The following CCDC148 variants were observed in gnomAD, a reference collection of about 807,000 sequenced individuals.
The protein encoded by CCDC148 is coiled-coil domain containing 148.
CCDC148 carries 89 observed loss-of-function variants against 85.7 expected under a neutral mutation model. The observed-to-expected ratio is 1.04, with a 90% CI of 0.87 to 1.24. The LOEUF (loss-of-function observed/expected upper bound fraction) is 1.24, where lower values mean the gene tolerates loss of function less well. Ranked by LOEUF, CCDC148 falls within the 50% of genes most tolerant of loss-of-function variation. CCDC148 has a pLI of 0.00. For missense variants in CCDC148, 692 were observed against 671.7 expected (o/e 1.03, Z -0.33); for synonymous variants, 230 against 213.9 (o/e 1.08, Z -0.66).
chr2:158,317,597 G>T (rs1692339815), intron 7 of CCDC148, among the ~76,000 whole-genome samples: 4 of 152,102 alleles, frequency 2.6e-5, no homozygotes, highest in African/African-American at 9.7e-5. Context: ...ATCCTAAAGT[G>T]ACTCACAATT....
At chr2:158,365,387 A>T (rs10179308) in intron 1 of CCDC148, among the ~76,000 whole-genome samples, 1 of 151,970 alleles carries the variant, frequency 6.6e-6, no homozygotes, top group African/African-American at 2.4e-5. Context: ...TTCACAATAG[A>T]AAAGACTTGG....
At chr2:158,431,248 G>T (rs531486867) in intron 1 of CCDC148, among the ~76,000 whole-genome samples, 1 of 151,014 alleles carries the variant, frequency 6.6e-6, no homozygotes, top group African/African-American at 2.4e-5. Flanking sequence ...CACAAACCAG[G>T]AATTACAAGC....
intron 1 of CCDC148, among the ~76,000 whole-genome samples, chr2:158,361,503 C>G (rs558506000): frequency 1.3e-4 from 20 of 152,126 alleles, no homozygotes; most frequent in Admixed American, 4.6e-4. Flanking sequence ...AGCCAGAATA[C>G]AGTGGGGGCC....
At chr2:158,221,266 A>C (rs1469928557) in intron 10 of CCDC148, among the ~76,000 whole-genome samples, 2 of 152,222 alleles carry the variant, frequency 1.3e-5, no homozygotes, top group African/African-American at 4.8e-5. Flanking sequence ...GTTCTGACTT[A>C]TGTGGTAAAA....
rs1266682969 is a variant in CCDC148 at position 158,345,330 on chromosome 2, G to T, written c.148-12C>A. 6.3e-7 allele frequency: 1 copy of T among 1,588,012 alleles called. No homozygotes were observed. The highest frequency in any genetic ancestry group is 8.6e-7 in the Non-Finnish European group (1 of 1,161,674). On this transcript the variant is annotated splice_polypyrimidine_tract_variant and intron_variant, in intron 2 of 13. Coordinates refer to ENST00000283233, the MANE Select transcript of CCDC148 (RefSeq NM_138803.4). The stretch of plus-strand genomic sequence containing the variant: ...ATTGCTTTTCTGATCTAGATTTAGA[G>T]GAACAAAAGAGGAGCAACTTCAAAG...
intron 9 of CCDC148, among the ~76,000 whole-genome samples, chr2:158,283,032 G>C (rs1690413274): frequency 6.6e-6 from 1 of 152,178 alleles, no homozygotes; most frequent in South Asian, 2.1e-4. Context: ...ATGGGGAAAG[G>C]ATTCCCTATT....
intron 1 of CCDC148, among the ~76,000 whole-genome samples, chr2:158,417,935 T>C (rs906980918): frequency 6.6e-6 from 1 of 152,224 alleles, no homozygotes. Flanking sequence ...ATTCTGCTCT[T>C]ATAAAACTTT....
At chr2:158,444,785 G>GAAAAAAAAAA (rs11433320) in intron 1 of CCDC148, among the ~76,000 whole-genome samples, 1 of 66,660 alleles carries the variant, frequency 1.5e-5, no homozygotes, top group Non-Finnish European at 2.5e-5. Context: ...ACCCTGTCTT[G>GAAAAAAAAAA]AAAAAAAAAA....
At chr2:158,249,750 T>C (rs1297939299) in intron 10 of CCDC148, among the ~76,000 whole-genome samples, 7 of 152,114 alleles carry the variant, frequency 4.6e-5, no homozygotes, top group Non-Finnish European at 8.8e-5. Flanking sequence ...CCTCTACATA[T>C]TCAACTTGGA....
At chr2:158,223,771 A>G (rs935026029) in intron 10 of CCDC148, among the ~76,000 whole-genome samples, 3 of 152,334 alleles carry the variant, frequency 2.0e-5, no homozygotes, top group Middle Eastern at 6.8e-3. Flanking sequence ...TGACTGTTAG[A>G]AGGAAAACTA....
intron 1 of CCDC148, chr2:158,365,939 T>C (rs921012208): frequency 1.8e-5 from 20 of 1,086,944 alleles, no homozygotes; most frequent in Non-Finnish European, 2.0e-5. Flanking sequence ...AAAATCAACA[T>C]TCCAATTGTG....
intron 2 of CCDC148, among the ~76,000 whole-genome samples, chr2:158,351,769 G>A (rs1165169055): frequency 6.6e-6 from 1 of 152,056 alleles, no homozygotes; most frequent in Non-Finnish European, 1.5e-5. Flanking sequence ...CACCTCTGGG[G>A]GCAGAGCACA....
intron 10 of CCDC148, among the ~76,000 whole-genome samples, chr2:158,230,129 C>G (rs1210657937): frequency 6.6e-6 from 1 of 152,122 alleles, no homozygotes; most frequent in Admixed American, 6.6e-5. Context: ...GGGACTTTGA[C>G]ATTCATTTGT....
intron 11 of CCDC148, among the ~76,000 whole-genome samples, 169 bp downstream of exon 11, chr2:158,220,426 G>A (rs1574427612): frequency 6.6e-6 from 1 of 152,166 alleles, no homozygotes; most frequent in African/African-American, 2.4e-5. Flanking sequence ...GTATGACTAT[G>A]AGAATTTAAA....
chr2:158,229,983 C>T (rs992279823), intron 10 of CCDC148, among the ~76,000 whole-genome samples: 8 of 152,198 alleles, frequency 5.3e-5, no homozygotes, highest in Admixed American at 5.2e-4. Flanking sequence ...CTGTACTCCA[C>T]TCCGAAGTCA....
intron 10 of CCDC148, among the ~76,000 whole-genome samples, chr2:158,243,297 T>C (rs773266776): frequency 1.7e-4 from 26 of 152,134 alleles, no homozygotes; most frequent in Non-Finnish European, 3.4e-4. Context: ...TGAATGGTAG[T>C]AGGCACTTGC....
chr2:158,368,533 C>T (rs1455202668), intron 1 of CCDC148, among the ~76,000 whole-genome samples: 1 of 152,002 alleles, frequency 6.6e-6, no homozygotes, highest in East Asian at 1.9e-4. Context: ...ATAAATTATT[C>T]CATATTCACA....
chr2:158,363,103 T>C (rs560217118), intron 1 of CCDC148, among the ~76,000 whole-genome samples: 1 of 152,190 alleles, frequency 6.6e-6, no homozygotes, highest in South Asian at 2.1e-4. Flanking sequence ...TACACCCTCC[T>C]AAGTCTAAAC....
intron 12 of CCDC148, 158 bp from the exon 13 acceptor site, chr2:158,176,819 G>T: frequency 2.8e-6 from 2 of 716,496 alleles, no homozygotes; most frequent in Non-Finnish European, 2.2e-6. Context: ...CAGTCCTAGA[G>T]ATCCACAAAG....
Sources: gnomAD v4.1 joint callset for allele counts (sites outside exome capture counted in the v4.1 genomes callset) on GRCh38, gnomAD v4.1.1 for gene constraint, MANE v1.5 for transcripts, NCBI Gene and HGNC (gene_info 2026-07-23, HGNC 2026-07-21) for gene names.